USH2A: variants seen among roughly 807,000 people sequenced by gnomAD.
USH2A encodes usherin, also known as Usher syndrome 2A (autosomal recessive, mild).
A neutral mutation model predicts 538.9 loss-of-function variants in USH2A; 443 were observed. The ratio of observed to expected loss-of-function variants is 0.82; its 90% CI spans 0.76 to 0.89. The LOEUF (loss-of-function observed/expected upper bound fraction) is 0.89, where lower values mean the gene tolerates loss of function less well. Ranked by LOEUF, USH2A falls within the 40% of genes least tolerant of loss-of-function variation. The pLI is 0.00. For missense variants in USH2A, 6,633 were observed against 6,324.8 expected, an observed-to-expected ratio of 1.05 and a Z score of -1.65; for synonymous variants, 2,413 against 2,273.5, an observed-to-expected ratio of 1.06 and a Z score of -1.75.
At chr1:215,970,287 C>T (rs1263352852) in intron 36 of USH2A, among the ~76,000 whole-genome samples, 3 of 152,082 alleles carry the variant, frequency 2.0e-5, no homozygotes, top group African/African-American at 7.2e-5. Flanking sequence ...CTTAAACTTA[C>T]TTAGATGTTG....
chr1:216,100,815 A>T (rs984470300), intron 21 of USH2A, among the ~76,000 whole-genome samples: 1 of 152,236 alleles, frequency 6.6e-6, no homozygotes, highest in African/African-American at 2.4e-5. Context: ...GAATCTCATA[A>T]AAATTATGCA....
chr1:215,689,295 G>A (rs4462114), intron 61 of USH2A, among the ~76,000 whole-genome samples: 26,303 of 152,130 alleles, frequency 0.17, 2,401 homozygotes, highest in African/African-American at 0.23. Context: ...GTATCCAATT[G>A]TCTTGTTAAC....
At chr1:215,800,678 C>T (rs1394303452) in intron 49 of USH2A, among the ~76,000 whole-genome samples, 2 of 152,030 alleles carry the variant, frequency 1.3e-5, no homozygotes, top group Non-Finnish European at 2.9e-5. Flanking sequence ...TTTAATTAAA[C>T]ATAGATATAT....
chr1:216,123,085 A>T (rs2033168856), intron 21 of USH2A, among the ~76,000 whole-genome samples: 1 of 152,202 alleles, frequency 6.6e-6, no homozygotes, highest in Non-Finnish European at 1.5e-5. Flanking sequence ...TGGTTCATTT[A>T]TGCCAATTAT....
chr1:216,189,065 T>C (rs1451632141), intron 20 of USH2A, among the ~76,000 whole-genome samples: 1 of 151,950 alleles, frequency 6.6e-6, no homozygotes, highest in Non-Finnish European at 1.5e-5. Flanking sequence ...AGAAGAGTGT[T>C]TTGTACAAGC....
chr1:215,893,651 A>G (rs750081636), intron 40 of USH2A, among the ~76,000 whole-genome samples: 4 of 152,144 alleles, frequency 2.6e-5, no homozygotes, highest in Non-Finnish European at 5.9e-5. Context: ...GTAAACATAA[A>G]AAACTTGATT....
At chr1:216,182,991 T>C (rs2034523289) in intron 20 of USH2A, among the ~76,000 whole-genome samples, 1 of 152,120 alleles carries the variant, frequency 6.6e-6, no homozygotes, top group Admixed American at 6.6e-5. Context: ...CATGCCCCTG[T>C]AGGACTGAGC....
At chr1:216,062,277 T>C (rs542243589) in intron 30 of USH2A, among the ~76,000 whole-genome samples, 1 of 152,146 alleles carries the variant, frequency 6.6e-6, no homozygotes, top group Admixed American at 6.5e-5. Context: ...AGGTAAGCAG[T>C]AAACAAGAGA....
intron 64 of USH2A, among the ~76,000 whole-genome samples, chr1:215,651,664 G>GAA (rs200850767): frequency 1.6e-5 from 2 of 128,014 alleles, no homozygotes; most frequent in East Asian, 4.4e-4. Context: ...ATGCAGTATT[G>GAA]AAAAAAAAAA....
chr1:216,173,458 G>A (rs1047139821), intron 21 of USH2A, among the ~76,000 whole-genome samples: 5 of 152,098 alleles, frequency 3.3e-5, no homozygotes, highest in Admixed American at 6.6e-5. Context: ...AGCCAAAATT[G>A]TGATCTCCCT....
chr1:216,078,165 C>G lies in USH2A; in HGVS notation c.5496G>C (p.Val1832=). Residue 1832 remains valine, a synonymous_variant, in exon 27 of 72, where the codon GTG becomes GTC. Coordinates refer to ENST00000307340, the MANE Select transcript of USH2A (RefSeq NM_206933.4). ...HASESGDQPL[V]VNSPVYVGGI... Reference sequence around the variant, plus strand: ...CTCCCACATAAACTGGTGAATTCACCACCAGTGGCTGGTCTCCGGACTCCG... The same window carrying G: ...CTCCCACATAAACTGGTGAATTCACGACCAGTGGCTGGTCTCCGGACTCCG... The G allele has an allele frequency of 6.2e-7, 1 of 1,613,698 alleles. No homozygotes were observed. Among genetic ancestry groups the G allele is most frequent in the Non-Finnish European group, 8.5e-7 (1 of 1,179,760 alleles).
intron 56 of USH2A, among the ~76,000 whole-genome samples, chr1:215,761,311 ACT>A (rs1660975302): frequency 6.6e-6 from 1 of 152,008 alleles, no homozygotes; most frequent in Non-Finnish European, 1.5e-5. Context: ...CACTCTCTTA[ACT>A]CTAACTTGAA....
Position 215,845,971 on chromosome 1 carries a change from T to C in USH2A, c.8908A>G (p.Asn2970Asp). 1 of 1,496,834 alleles carries C rather than the reference T, an allele frequency of 6.7e-7. No individual in the cohort carries two copies. Among genetic ancestry groups the C allele is most frequent in the South Asian group, 1.1e-5 (1 of 88,736 alleles). The allele number at this position is 1,496,834 out of a possible 1,614,324, so 92.7% of individuals were successfully genotyped here. A position where few individuals can be genotyped will look rare whatever the true frequency, so the allele number is the denominator to read the frequency against. The change falls in exon 45 of 72, where the codon AAC becomes GAC. Residue 2970 changes from asparagine to aspartate, a missense_variant. Asn to Asp is a conservative substitution (Grantham distance 23, BLOSUM62 1). Coordinates refer to ENST00000307340, the MANE Select transcript of USH2A (RefSeq NM_206933.4). Reference sequence around the variant, plus strand: ...TCTGGCAAGATTTTTAGAGAGTCGTTTGAGGTAGCAGAACTCCAAAAAAGT... The same window carrying C: ...TCTGGCAAGATTTTTAGAGAGTCGTCTGAGGTAGCAGAACTCCAAAAAAGT... ...YTLFWSSATSNDSLKILPDVN... is the reference protein window; with the variant it reads ...YTLFWSSATSDDSLKILPDVN...
At chr1:215,926,169 T>C (rs1285598110) in intron 38 of USH2A, among the ~76,000 whole-genome samples, 2 of 151,074 alleles carry the variant, frequency 1.3e-5, no homozygotes, top group African/African-American at 4.9e-5. Context: ...TCTTGCTTTT[T>C]GAGCCAGTTC....
In USH2A at chr1:216,292,225, T is replaced by C. The variant is rs752977777; in HGVS notation, c.1790A>G (p.His597Arg). The change falls in exon 10 of 72, where the codon CAC becomes CGC. Residue 597 changes from histidine (H) to arginine (R), a missense_variant. His to Arg is a conservative substitution (Grantham distance 29). Coordinates refer to ENST00000307340, the MANE Select transcript of USH2A (RefSeq NM_206933.4). ...ACAAACTCCTCCTCCCCCTCTGAAG[T>C]GCTCAAAAGGAAATGGGTCTACAGA... ...NISVDPFPFE[H>R]FRGGGGVCDD... The C allele has an allele frequency of 1.2e-6, 2 of 1,614,068 alleles. No individual in the cohort carries two copies. The highest frequency in any genetic ancestry group is 1.7e-6 in the Non-Finnish European group (2 of 1,179,964).
At position 216,324,228 on chromosome 1, in the gene USH2A, C is replaced by G; in HGVS notation, c.1268G>C (p.Gly423Ala). ...TTCCAAATCTCCATTGTTTTTCATT[C>G]CAAAAGCACCACAATTCCTGGCAAA... ...QYFARNCGAFGMKNNGDLEKP... is the reference protein window; with the variant it reads ...QYFARNCGAFAMKNNGDLEKP... Residue 423 changes from glycine to alanine, a missense_variant, in exon 7 of 72, where the codon GGA becomes GCA. Transcript: ENST00000307340. 6.2e-7 allele frequency: 1 copy of G among 1,613,304 alleles called. No individual in the cohort carries two copies. Among genetic ancestry groups the G allele is most frequent in the African/African-American group, 1.3e-5 (1 of 74,992 alleles).
intron 55 of USH2A, among the ~76,000 whole-genome samples, chr1:215,772,241 G>C (rs1193938024): frequency 6.6e-6 from 1 of 152,178 alleles, no homozygotes; most frequent in East Asian, 1.9e-4. Context: ...GGGAAATAAA[G>C]AGATGTCTCA....
Position 215,949,063 on chromosome 1 carries a change from T to C in USH2A, c.7121-14268A>G, listed in dbSNP as rs57639617. 6.5e-3 allele frequency among the ~76,000 whole-genome samples: 992 copies of C among 152,212 alleles called. 12 individuals carry two copies. Among genetic ancestry groups the C allele is most frequent in the African/African-American group, 0.023 (935 of 41,548 alleles). On this transcript the variant is annotated intron_variant, in intron 37 of 71. Transcript: ENST00000307340. ...AGTGTACAGATCTGTGTATTTTCTGTCTTCCTAGAGCTGGAGAAATTGCCA... is the reference window on the plus strand; with the variant it reads ...AGTGTACAGATCTGTGTATTTTCTGCCTTCCTAGAGCTGGAGAAATTGCCA...
intron 41 of USH2A, among the ~76,000 whole-genome samples, chr1:215,881,679 G>C (rs964261959): frequency 6.6e-6 from 1 of 152,158 alleles, no homozygotes; most frequent in Non-Finnish European, 1.5e-5. Flanking sequence ...AGCAAGAAAT[G>C]TGTTCTTTAA....
Sources: allele counts gnomAD v4.1 joint callset (sites outside exome capture counted in the v4.1 genomes callset), GRCh38; gene constraint gnomAD v4.1.1; transcripts MANE v1.5; gene names NCBI Gene and HGNC (gene_info 2026-07-23, HGNC 2026-07-21).